Variants in HEATR6 observed in about 807,000 individuals in gnomAD.
HEATR6 encodes the protein HEAT repeat containing 6, also known as HEAT repeat-containing protein 6.
Under a neutral mutation model 132.8 loss-of-function variants are expected in HEATR6, and 106 were observed. The observed-to-expected ratio is 0.80, with a 90% CI of 0.68 to 0.94. The LOEUF is 0.94. Ranked by LOEUF, HEATR6 falls within the 40% of genes least tolerant of loss-of-function variation. The pLI is 0.00. For missense variants in HEATR6, 1,339 were observed against 1,425.1 expected (o/e 0.94, Z 0.97); for synonymous variants, 529 against 537.8 (o/e 0.98, Z 0.23).
At chr17:60,047,636 T>C (rs1906415052) in intron 17 of HEATR6, among the ~76,000 whole-genome samples, 1 of 150,996 alleles carries the variant, frequency 6.6e-6, no homozygotes, top group Non-Finnish European at 1.5e-5. Flanking sequence ...TGCACAAAAA[T>C]ATTCCCTGAA....
intron 7 of HEATR6, 50 bp from the exon 8 acceptor site, chr17:60,067,782 C>T: frequency 7.0e-7 from 1 of 1,424,466 alleles, no homozygotes; most frequent in Middle Eastern, 1.8e-4. Flanking sequence ...TTCAGAATGG[C>T]TTTTCACTGA....
At chr17:60,049,841 TA>T in intron 15 of HEATR6, 139 bp from the exon 16 acceptor site, 2 of 885,512 alleles carry the variant, frequency 2.3e-6, no homozygotes. Context: ...GCTACCCTGG[TA>T]AAAAGCAGGT....
At chr17:60,056,281 AGGC>A (rs1290510894) in intron 12 of HEATR6, 44 bp from the exon 13 acceptor site, 2 of 1,558,696 alleles carry the variant, frequency 1.3e-6, no homozygotes, top group Admixed American at 3.9e-5. Context: ...CCTGAGTGCA[AGGC>A]TGCAATATCC....
At position 60,078,852 on chromosome 17, in the gene HEATR6, T is replaced by TTCCCGCGGTGCC. The variant is rs757728176; in HGVS notation, c.51_62dup (p.Pro19_Ala22dup). On this transcript the variant is annotated inframe_insertion, in exon 1 of 20. Coordinates refer to ENST00000184956, the MANE Select transcript of HEATR6 (RefSeq NM_022070.5). ...ACCCATTGCCTCGCTCAGGGATTGCTTCCCGCGGTGCCTCCCGCGGCTGCA... is the reference window on the plus strand; with the variant it reads ...ACCCATTGCCTCGCTCAGGGATTGCTTCCCGCGGTGCCTCCCGCGGTGCCTCCCGCGGCTGCA... 1.4e-6 allele frequency: 2 copies of TTCCCGCGGTGCC among 1,453,696 alleles called. No homozygotes were observed. The highest frequency in any genetic ancestry group is 1.8e-6 in the Non-Finnish European group (2 of 1,082,620). The allele number at this position is 1,453,696 out of a possible 1,614,324, so 90.0% of individuals were successfully genotyped here. A position where few individuals can be genotyped will look rare whatever the true frequency, so the allele number is the denominator to read the frequency against.
intron 11 of HEATR6, among the ~76,000 whole-genome samples, chr17:60,058,985 A>G (rs560492789): frequency 3.9e-5 from 6 of 152,384 alleles, no homozygotes; most frequent in South Asian, 2.1e-4. Context: ...CTTCATAGGA[A>G]ATAACAATAA....
chr17:60,057,450 G>T, intron 11 of HEATR6, 47 bp from the exon 12 acceptor site: 1 of 1,216,256 alleles, frequency 8.2e-7, no homozygotes, highest in Non-Finnish European at 1.2e-6. Flanking sequence ...AACAACTACT[G>T]TAAAGATGGT....
chr17:60,050,146 C>CAG (rs1322806980), intron 15 of HEATR6, among the ~76,000 whole-genome samples: 12 of 152,278 alleles, frequency 7.9e-5, no homozygotes, highest in African/African-American at 2.6e-4. Context: ...GTCATGGGAA[C>CAG]AGAGCCCTCA....
intron 19 of HEATR6, among the ~76,000 whole-genome samples, chr17:60,045,722 A>G (rs1008466644): frequency 2.0e-5 from 3 of 152,172 alleles, no homozygotes; most frequent in African/African-American, 7.2e-5. Context: ...TTTTCTACCC[A>G]TCTATTGAGA....
At chr17:60,054,689 C>T (rs376031929) in intron 14 of HEATR6, among the ~76,000 whole-genome samples, 1 of 152,340 alleles carries the variant, frequency 6.6e-6, no homozygotes, top group African/African-American at 2.4e-5. Context: ...TACCCAATGC[C>T]TGTACCACCA....
At chr17:60,078,524 G>T (rs1303653692) in intron 1 of HEATR6, among the ~76,000 whole-genome samples, 172 bp downstream of exon 1, 1 of 152,158 alleles carries the variant, frequency 6.6e-6, no homozygotes, top group Admixed American at 6.5e-5. Context: ...AGCACTGCAG[G>T]GTCTTCCAAA....
intron 9 of HEATR6, among the ~76,000 whole-genome samples, chr17:60,060,509 A>G (rs1380493117): frequency 1.3e-5 from 2 of 152,202 alleles, no homozygotes; most frequent in South Asian, 2.1e-4. Context: ...AAGCTACACC[A>G]TAGCACAAAA....
intron 2 of HEATR6, 95 bp from the exon 3 acceptor site, chr17:60,073,981 A>G: frequency 6.7e-7 from 1 of 1,484,340 alleles, no homozygotes; most frequent in Non-Finnish European, 8.9e-7. Context: ...GCTGTATAAA[A>G]GAGAGAGTGT....
At chr17:60,066,116 A>G in intron 9 of HEATR6, 93 bp downstream of exon 9, 4 of 1,081,128 alleles carry the variant, frequency 3.7e-6, no homozygotes, top group Non-Finnish European at 5.5e-6. Context: ...ACTAAGAGCT[A>G]TATTCAGATC....
At chr17:60,049,804 G>A (rs897262907) in intron 15 of HEATR6, 102 bp from the exon 16 acceptor site, 1 of 1,326,456 alleles carries the variant, frequency 7.5e-7, no homozygotes, top group African/African-American at 1.4e-5. Context: ...ACCATAATCA[G>A]GAGTTGAACA....
At chr17:60,055,660 A>G (rs911358923) in intron 13 of HEATR6, 59 bp from the exon 14 acceptor site, 4 of 1,195,964 alleles carry the variant, frequency 3.3e-6, no homozygotes, top group Admixed American at 1.9e-5. Flanking sequence ...ACTTCACTTG[A>G]GTAACACCTT....
chr17:60,053,428 A>G (rs778947379), intron 14 of HEATR6, among the ~76,000 whole-genome samples: 59 of 152,322 alleles, frequency 3.9e-4, no homozygotes, highest in Non-Finnish European at 6.9e-4. Flanking sequence ...AATTGGTACC[A>G]AGGAATGGGG....
Position 60,043,544 on chromosome 17 carries a change from A to G in HEATR6, c.*19T>C. ...CTTCCTACTGCCGCCTTCGACATCT[A>G]GAAAGTATGGTGGGATCTTCACTGA... On this transcript the variant is annotated 3_prime_UTR_variant, in exon 20 of 20. Coordinates refer to ENST00000184956, the MANE Select transcript of HEATR6 (RefSeq NM_022070.5). The G allele has an allele frequency of 6.3e-7, 1 of 1,586,316 alleles. No individual in the cohort carries two copies. The highest frequency in any genetic ancestry group is 8.6e-7 in the Non-Finnish European group (1 of 1,161,312).
chr17:60,056,028 T>G, intron 13 of HEATR6, 87 bp downstream of exon 13: 2 of 1,410,092 alleles, frequency 1.4e-6, no homozygotes, highest in Non-Finnish European at 9.6e-7. Flanking sequence ...GAATATAAAG[T>G]GAAGAAAAGG....
At position 60,076,215 on chromosome 17, in the gene HEATR6, T is replaced by C; in HGVS notation, c.242A>G (p.Gln81Arg). 2.5e-6 allele frequency: 4 copies of C among 1,609,270 alleles called. No individual in the cohort carries two copies. The highest frequency in any genetic ancestry group is 8.5e-7 in the Non-Finnish European group (1 of 1,178,272). ...ATTAAGAGGTACCAGTCGGCAAGCC[T>C]GGACAAGAAGAGCACTAACGTCCTA... ...APEDVSALLV[Q>R]ACRLVPLNQN... Residue 81 changes from glutamine to arginine, a missense_variant, in exon 2 of 20, where the codon CAG becomes CGG. Transcript: ENST00000184956.
Sources: gnomAD v4.1 joint callset for allele counts (sites outside exome capture counted in the v4.1 genomes callset) on GRCh38, gnomAD v4.1.1 for gene constraint, MANE v1.5 for transcripts, NCBI Gene and HGNC (gene_info 2026-07-23, HGNC 2026-07-21) for gene names.